The following SMIM9 variants were observed in gnomAD, a reference collection of about 807,000 sequenced individuals.
SMIM9 encodes the protein small integral membrane protein 9, also known as chromosome X open reading frame 68.
SMIM9 carries 8 observed loss-of-function variants against 7.2 expected under a neutral mutation model. The observed-to-expected ratio is 1.10, with a 90% CI of 0.65 to 1.99. The LOEUF (loss-of-function observed/expected upper bound fraction) is 1.99, where lower values mean the gene tolerates loss of function less well. SMIM9 is among the 30% of genes most tolerant of loss of function. The pLI, the probability that SMIM9 is intolerant of heterozygous loss-of-function variation, is 0.00. For synonymous variants in SMIM9, 19 were observed against 26.4 expected, an observed-to-expected ratio of 0.72 and a Z score of 0.86; for missense variants, 76 against 69.3, an observed-to-expected ratio of 1.10 and a Z score of -0.34.
Position 154,826,036 on chromosome X carries a change from G to A in SMIM9, c.273-2254C>T, listed in dbSNP as rs185225782. On this transcript the variant is annotated intron_variant, in intron 4 of 4. Coordinates refer to ENST00000369529, the MANE Select transcript of SMIM9 (RefSeq NM_001162936.4). Reference sequence around the variant, plus strand: ...GTATACATATGTAACAAACCTGCACGTTGTGCACATGTACCCTAAAACTTA... The same window carrying A: ...GTATACATATGTAACAAACCTGCACATTGTGCACATGTACCCTAAAACTTA... Among the ~76,000 whole-genome samples, 5 of 109,494 alleles carry A rather than the reference G, an allele frequency of 4.6e-5. No individual in the cohort carries two copies. In the East Asian group the frequency reaches 8.6e-4, roughly 19 times the overall value.
At chrX:154,834,350 C>T (rs2072459330) in intron 1 of SMIM9, among the ~76,000 whole-genome samples, 1 of 112,282 alleles carries the variant, frequency 8.9e-6, no homozygotes, top group African/African-American at 3.2e-5. Context: ...GCTAAAAGAT[C>T]CAGCAGGAGC....
At chrX:154,833,468 T>C (rs1557270709) in intron 1 of SMIM9, among the ~76,000 whole-genome samples, 1 of 111,447 alleles carries the variant, frequency 9.0e-6, no homozygotes, top group Middle Eastern at 4.6e-3. Context: ...CTACAAAAAA[T>C]TTAAAAATTA....
rs1557270404 is a variant in SMIM9, at chrX:154,829,522, CACAGAAGCTT to C, written c.272+3_272+12del. The stretch of plus-strand genomic sequence containing the variant: ...CTCTCTCCTCCCTGTCTCTTCTTCC[CACAGAAGCTT>C]ACGTGAAGCAGCAGAGGATCCCCAT... On this transcript the variant is annotated splice_donor_5th_base_variant and intron_variant, in intron 4 of 4. Coordinates refer to ENST00000369529, the MANE Select transcript of SMIM9 (RefSeq NM_001162936.4). 2 of 1,164,214 alleles carry C rather than the reference CACAGAAGCTT, an allele frequency of 1.7e-6. No homozygotes were observed. Among genetic ancestry groups the C allele is most frequent in the African/African-American group, 3.6e-5 (2 of 55,532 alleles).
intron 1 of SMIM9, among the ~76,000 whole-genome samples, chrX:154,834,150 G>A (rs1557270747): frequency 1.8e-5 from 2 of 112,611 alleles, no homozygotes; most frequent in Non-Finnish European, 3.8e-5. Flanking sequence ...GGAAGGAAAG[G>A]TGAGGTGAAG....
chrX:154,832,976 C>T (rs1411499246), intron 1 of SMIM9, among the ~76,000 whole-genome samples: 1 of 111,628 alleles, frequency 9.0e-6, no homozygotes, highest in African/African-American at 3.3e-5. Context: ...TGGGTGTGAG[C>T]CCTTTGCCAT....
chrX:154,830,716 C>A lies in SMIM9; in HGVS notation c.141G>T (p.Gly47=), dbSNP rs1557270499. The A allele has an allele frequency of 7.7e-6, 9 of 1,167,166 alleles. No homozygotes were observed. Among genetic ancestry groups the A allele is most frequent in the Admixed American group, 2.6e-5 (1 of 38,641 alleles). The change falls in exon 3 of 5, where the codon GGG becomes GGT. Residue 47 remains glycine (G), a splice_region_variant and synonymous_variant. Transcript: ENST00000369529. ...QEKTGSKPRS[G]GNHRSWLNNF... ...CATTCATCCTAACAGCAAACACACC[C>A]CCTGAGCGTGGTTTCGATCCTGTTT...
At chrX:154,830,670 T>G in intron 3 of SMIM9, 45 bp downstream of exon 3, 12 of 1,147,370 alleles carry the variant, frequency 1.0e-5, no homozygotes, top group Non-Finnish European at 1.4e-5. Context: ...ACATGAATCT[T>G]AAGTCCTATG....
chrX:154,825,015 C>G (rs1557270150), intron 4 of SMIM9, among the ~76,000 whole-genome samples: 2 of 112,283 alleles, frequency 1.8e-5, no homozygotes, highest in African/African-American at 6.5e-5. Context: ...TGCCCAGTAG[C>G]AAGTCCCAAT....
intron 4 of SMIM9, among the ~76,000 whole-genome samples, chrX:154,824,096 A>C (rs1237545148): frequency 8.1e-5 from 9 of 111,107 alleles, no homozygotes; most frequent in African/African-American, 2.9e-4. Context: ...GGTGGCTCAC[A>C]CCTGTAATTC....
In SMIM9 at chrX:154,830,896, C is replaced by G; in HGVS notation, c.-40G>C. The G allele has an allele frequency of 8.7e-7, 1 of 1,144,849 alleles. No individual in the cohort carries two copies. The highest frequency in any genetic ancestry group is 2.7e-5 in the Admixed American group (1 of 37,001). The allele number at this position is 1,144,849 out of a possible 1,213,427, so 94.3% of individuals were successfully genotyped here. A position where few individuals can be genotyped will look rare whatever the true frequency, so the allele number is the denominator to read the frequency against. On this transcript the variant is annotated 5_prime_UTR_variant, in exon 3 of 5. Coordinates refer to ENST00000369529, the MANE Select transcript of SMIM9 (RefSeq NM_001162936.4). ...AGCTGCGGCTGAAGAGCTGGTAATCCTAGCTCACTCTGCCAAGGAGAGATG... is the reference window on the plus strand; with the variant it reads ...AGCTGCGGCTGAAGAGCTGGTAATCGTAGCTCACTCTGCCAAGGAGAGATG...
chrX:154,833,752 ACATAG>A (rs1386829810), intron 1 of SMIM9, among the ~76,000 whole-genome samples: 1 of 111,868 alleles, frequency 8.9e-6, no homozygotes, highest in Non-Finnish European at 1.9e-5. Context: ...AGTCGAGGCA[ACATAG>A]CAGGATACTG....
intron 1 of SMIM9, among the ~76,000 whole-genome samples, chrX:154,833,252 TA>T: frequency 8.9e-6 from 1 of 112,305 alleles, no homozygotes; most frequent in Non-Finnish European, 1.9e-5. Flanking sequence ...AATGACAAAT[TA>T]AGTAATTTCA....
chrX:154,829,678 A>T lies in SMIM9; in HGVS notation c.143-14T>A. On this transcript the variant is annotated splice_polypyrimidine_tract_variant and intron_variant, in intron 3 of 4. Coordinates refer to ENST00000369529, the MANE Select transcript of SMIM9 (RefSeq NM_001162936.4). ...ACCTGTGATTACCTGCAGAAAGAGC[A>T]TAGACATTCATTGAGGAGAGGTCAA... 32 of 1,166,400 alleles carry T rather than the reference A, an allele frequency of 2.7e-5. No homozygotes were observed. Among genetic ancestry groups the T allele is most frequent in the Non-Finnish European group, 3.7e-5 (32 of 872,102 alleles).
intron 4 of SMIM9, among the ~76,000 whole-genome samples, 193 bp from the exon 5 acceptor site, chrX:154,823,975 A>G (rs1853279180): frequency 8.9e-6 from 1 of 112,296 alleles, no homozygotes; most frequent in African/African-American, 3.2e-5. Flanking sequence ...AGGTAGTGGT[A>G]TAAGTATGGT....
intron 4 of SMIM9, among the ~76,000 whole-genome samples, chrX:154,826,550 C>G (rs1409694294): frequency 8.9e-6 from 1 of 112,138 alleles, no homozygotes; most frequent in African/African-American, 3.2e-5. Context: ...TGCCACCATG[C>G]CCGACCTTAG....
Position 154,829,657 on chromosome X carries a change from G to A in SMIM9, c.150C>T (p.His50=). ...CCCTGAAGTTGTTCAGCCAGGACCT[G>A]TGATTACCTGCAGAAAGAGCATAGA... The part of the protein sequence containing the change: ...TGSKPRSGGN[H]RSWLNNFRDY... The change falls in exon 4 of 5, where the codon CAC becomes CAT. Residue 50 remains histidine (H), a synonymous_variant. Transcript: ENST00000369529. The A allele has an allele frequency of 8.6e-7, 1 of 1,165,691 alleles. No individual in the cohort carries two copies. Among genetic ancestry groups the A allele is most frequent in the Non-Finnish European group, 1.1e-6 (1 of 872,499 alleles).
In SMIM9 at chrX:154,824,250, G is replaced by C. The variant is rs782435357; in HGVS notation, c.273-468C>G. 2.8e-5 allele frequency among the ~76,000 whole-genome samples: 3 copies of C among 107,902 alleles called. No homozygotes were observed. The South Asian group carries it at 1.2e-3, about 44-fold the overall frequency. The allele number at this position is 107,902 out of a possible 115,157, so 93.7% of individuals were successfully genotyped here. Reference sequence around the variant, plus strand: ...CGGGCGCCTGTAGTCCCAGCTACTCGGGAGGCTGAGGCAGGAGAATGGCGT... The same window carrying C: ...CGGGCGCCTGTAGTCCCAGCTACTCCGGAGGCTGAGGCAGGAGAATGGCGT... On this transcript the variant is annotated intron_variant, in intron 4 of 4. Transcript: ENST00000369529.
At chrX:154,833,769 C>T (rs992754122) in intron 1 of SMIM9, among the ~76,000 whole-genome samples, 1 of 110,713 alleles carries the variant, frequency 9.0e-6, no homozygotes, top group Non-Finnish European at 1.9e-5. Context: ...AGGATACTGT[C>T]TCTACAAAAA....
At chrX:154,830,598 G>A (rs782075488) in intron 3 of SMIM9, 117 bp downstream of exon 3, 2 of 961,785 alleles carry the variant, frequency 2.1e-6, no homozygotes, top group Admixed American at 3.5e-5. Flanking sequence ...AACCAGAATA[G>A]TTTGCTTTCC....
Sources: allele counts gnomAD v4.1 joint callset (sites outside exome capture counted in the v4.1 genomes callset), GRCh38; gene constraint gnomAD v4.1.1; transcripts MANE v1.5; gene names NCBI Gene and HGNC (gene_info 2026-07-23, HGNC 2026-07-21).